TNR: variants seen among roughly 807,000 people sequenced by gnomAD.
The protein encoded by TNR is tenascin-R.
Under a neutral mutation model 150.4 loss-of-function variants are expected in TNR, and 45 were observed. That is an observed-to-expected ratio of 0.30 (90% CI 0.24 to 0.38). TNR has a LOEUF of 0.38. TNR is among the 10% of genes least tolerant of loss of function. The pLI is 1.00. For missense variants in TNR, 1,544 were observed against 1,759.1 expected, an observed-to-expected ratio of 0.88 and a Z score of 2.19; for synonymous variants, 687 against 678.4, an observed-to-expected ratio of 1.01 and a Z score of -0.20.
intron 1 of TNR, among the ~76,000 whole-genome samples, chr1:175,723,669 C>T (rs1667401486): frequency 6.6e-6 from 1 of 152,114 alleles, no homozygotes; most frequent in African/African-American, 2.4e-5. Context: ...GCCAGGGATT[C>T]GAGGCCAGCC....
chr1:175,436,555 T>TA (rs1655519219), intron 2 of TNR, among the ~76,000 whole-genome samples: 1 of 152,164 alleles, frequency 6.6e-6, no homozygotes, highest in Non-Finnish European at 1.5e-5. Flanking sequence ...GTAAATGGGC[T>TA]AAATGCCCCA....
intron 1 of TNR, among the ~76,000 whole-genome samples, chr1:175,676,438 C>T (rs754519488): frequency 6.6e-6 from 1 of 152,190 alleles, no homozygotes; most frequent in Non-Finnish European, 1.5e-5. Context: ...GGGCACCTCC[C>T]AGCTAACCTG....
chr1:175,493,168 G>A (rs763532929), intron 2 of TNR, among the ~76,000 whole-genome samples: 1 of 152,006 alleles, frequency 6.6e-6, no homozygotes, highest in Non-Finnish European at 1.5e-5. Context: ...GATGCTCAGG[G>A]TTGCACGGAG....
intron 2 of TNR, among the ~76,000 whole-genome samples, chr1:175,527,565 C>A (rs859365): frequency 6.6e-6 from 1 of 151,988 alleles, no homozygotes; most frequent in Non-Finnish European, 1.5e-5. Context: ...CAATAAAAAA[C>A]GGCCACACCT....
chr1:175,546,221 G>A (rs1367690906), intron 1 of TNR, among the ~76,000 whole-genome samples: 1 of 152,212 alleles, frequency 6.6e-6, no homozygotes. Context: ...GCCCAGCACT[G>A]CATCAGAGCA....
intron 2 of TNR, among the ~76,000 whole-genome samples, chr1:175,522,227 C>G (rs1659666611): frequency 6.6e-6 from 1 of 152,166 alleles, no homozygotes; most frequent in African/African-American, 2.4e-5. Context: ...CTCCTAGTTT[C>G]CTAGGAGCTA....
chr1:175,653,866 T>C (rs1441799316), intron 1 of TNR, among the ~76,000 whole-genome samples: 1 of 152,374 alleles, frequency 6.6e-6, no homozygotes, highest in South Asian at 2.1e-4. Context: ...TTATTTAATT[T>C]CTAAATTTTC....
chr1:175,722,075 G>T (rs1317746852), intron 1 of TNR, among the ~76,000 whole-genome samples: 6 of 152,072 alleles, frequency 3.9e-5, no homozygotes, highest in Non-Finnish European at 8.8e-5. Flanking sequence ...CAGTTCCCCT[G>T]TCCAAGTCAC....
Position 175,324,468 on chromosome 1 carries a change from T to C in TNR, c.3845A>G (p.Asp1282Gly). Residue 1282 changes from aspartate (D) to glycine (G), a missense_variant, in exon 22 of 23, where the codon GAC becomes GGC. Coordinates refer to ENST00000367674, the MANE Select transcript of TNR (RefSeq NM_003285.3). ...ACAGTTAGTCACTGCAACATCATTG[T>C]CTCTATCCTCTGTGGAGAAAGGGCG... Reference protein sequence around the residue: ...QGRPFSTEDRDNDVAVTNCAM... With the variant: ...QGRPFSTEDRGNDVAVTNCAM... The C allele has an allele frequency of 6.2e-7, 1 of 1,614,094 alleles. No homozygotes were observed. The highest frequency in any genetic ancestry group is 2.2e-5 in the East Asian group (1 of 44,868).
At chr1:175,589,415 T>C (rs981047751) in intron 1 of TNR, among the ~76,000 whole-genome samples, 18 of 152,336 alleles carry the variant, frequency 1.2e-4, no homozygotes, top group Non-Finnish European at 2.6e-4. Flanking sequence ...AGGTTTATTC[T>C]GGAAAGTTTT....
At chr1:175,425,707 C>T (rs1015274720) in intron 2 of TNR, among the ~76,000 whole-genome samples, 2 of 152,208 alleles carry the variant, frequency 1.3e-5, no homozygotes, top group African/African-American at 2.4e-5. Context: ...CACACATTTT[C>T]CCCTGGCACT....
chr1:175,556,411 T>C (rs74127342), intron 1 of TNR, among the ~76,000 whole-genome samples: 57 of 152,352 alleles, frequency 3.7e-4, no homozygotes, highest in African/African-American at 1.3e-3. Flanking sequence ...CATGCATCTT[T>C]CATCTTTTTC....
intron 1 of TNR, among the ~76,000 whole-genome samples, chr1:175,629,976 C>T (rs1000821426): frequency 1.3e-5 from 2 of 152,188 alleles, no homozygotes; most frequent in Non-Finnish European, 1.5e-5. Context: ...ACCTCAGACC[C>T]ATACTGAGTC....
chr1:175,553,144 C>A (rs1243989278), intron 1 of TNR, among the ~76,000 whole-genome samples: 1 of 152,140 alleles, frequency 6.6e-6, no homozygotes, highest in African/African-American at 2.4e-5. Flanking sequence ...CTCAAGCACA[C>A]ACTAAGTTTG....
rs1557868199 is a variant in TNR at position 175,331,095 on chromosome 1, T to TTCTTTCTTTCTTTCTTTCTTTCTTTCTC, written c.3632-861_3632-860insGAGAAAGAAAGAAAGAAAGAAAGAAAGA. Among the ~76,000 whole-genome samples the TTCTTTCTTTCTTTCTTTCTTTCTTTCTC allele has an allele frequency of 2.0e-4, 26 of 132,132 alleles. 2 individuals carry two copies. The highest frequency in any genetic ancestry group is 1.9e-3 in the South Asian group (8 of 4,318). 86.7% of individuals were successfully genotyped at this position (132,132 alleles called of 152,430 possible). A position where few individuals can be genotyped will look rare whatever the true frequency, so the allele number is the denominator to read the frequency against. On this transcript the variant is annotated intron_variant, in intron 20 of 22. Coordinates refer to ENST00000367674, the MANE Select transcript of TNR (RefSeq NM_003285.3). ...TTTCTTTCCTTCTTTCTTTCTTTCT[T>TTCTTTCTTTCTTTCTTTCTTTCTTTCTC]TCTTTCTCTCTCTCTTTCTTTTCTT...
chr1:175,348,769 G>A (rs1650916551), intron 18 of TNR, among the ~76,000 whole-genome samples: 1 of 152,122 alleles, frequency 6.6e-6, no homozygotes, highest in African/African-American at 2.4e-5. Flanking sequence ...GTATAAAATA[G>A]GCTAAATATA....
intron 1 of TNR, among the ~76,000 whole-genome samples, chr1:175,617,653 C>T (rs1663824626): frequency 6.6e-6 from 1 of 152,156 alleles, no homozygotes; most frequent in South Asian, 2.1e-4. Flanking sequence ...ATCTAAGATC[C>T]TCAGTGATTT....
In TNR at chr1:175,570,134, GC is replaced by G. The variant is rs1661803225; in HGVS notation, c.-164-41766del. Among the ~76,000 whole-genome samples, 4 of 152,270 alleles carry G rather than the reference GC, an allele frequency of 2.6e-5. No individual in the cohort carries two copies. The South Asian group carries it at 8.3e-4, about 32-fold the overall frequency. On this transcript the variant is annotated intron_variant, in intron 1 of 22. Transcript: ENST00000367674. ...AGATCTGCACACACACACTTTCCTG[GC>G]CCTTATACTCTGCTTCTTTCATCCC...
At chr1:175,490,831 G>C (rs1244948347) in intron 2 of TNR, among the ~76,000 whole-genome samples, 3 of 152,066 alleles carry the variant, frequency 2.0e-5, no homozygotes, top group Non-Finnish European at 4.4e-5. Context: ...AAGACCTAGA[G>C]GCAGAAATAC....
Sources: allele counts gnomAD v4.1 joint callset (sites outside exome capture counted in the v4.1 genomes callset), GRCh38; gene constraint gnomAD v4.1.1; transcripts MANE v1.5; gene names NCBI Gene and HGNC (gene_info 2026-07-23, HGNC 2026-07-21).